PTPRN2: variants seen among roughly 807,000 people sequenced by gnomAD.
PTPRN2 encodes the protein receptor-type tyrosine-protein phosphatase N2.
A neutral mutation model predicts 118.8 loss-of-function variants in PTPRN2; 74 were observed. The observed-to-expected ratio is 0.62, with a 90% CI of 0.52 to 0.76. PTPRN2 has a LOEUF of 0.76. PTPRN2 is among the 30% of genes least tolerant of loss of function. The pLI is 0.00. For missense variants in PTPRN2, 1,481 were observed against 1,394.4 expected (o/e 1.06, Z -0.99); for synonymous variants, 641 against 608.0 (o/e 1.05, Z -0.80).
chr7:157,788,097 T>C (rs747324895), intron 12 of PTPRN2, among the ~76,000 whole-genome samples: 14 of 152,180 alleles, frequency 9.2e-5, no homozygotes, highest in African/African-American at 1.2e-4. Context: ...GGGAAGAGGC[T>C]GGGCGCGGTG....
At chr7:157,734,840 G>A (rs1276950672) in intron 12 of PTPRN2, among the ~76,000 whole-genome samples, 1 of 152,230 alleles carries the variant, frequency 6.6e-6, no homozygotes. Context: ...GCCAGCCAGA[G>A]GCAAACCCAC....
At chr7:158,487,761 A>G (rs79207561) in intron 2 of PTPRN2, among the ~76,000 whole-genome samples, 29,103 of 152,102 alleles carry the variant, frequency 0.19, 3,281 homozygotes, top group East Asian at 0.41. Context: ...CTGAGCCAGC[A>G]CAGGAACCAC....
At chr7:158,220,847 GA>G (rs796302831) in intron 3 of PTPRN2, among the ~76,000 whole-genome samples, 84 of 73,692 alleles carry the variant, frequency 1.1e-3, no homozygotes, top group South Asian at 2.3e-3. Context: ...CACAGAATTA[GA>G]AAAAAAAAAG....
At chr7:158,206,491 CT>C (rs1173028433) in intron 3 of PTPRN2, among the ~76,000 whole-genome samples, 9 of 152,086 alleles carry the variant, frequency 5.9e-5, no homozygotes, top group African/African-American at 2.2e-4. Flanking sequence ...CAGGTCTGAT[CT>C]GGTACAGTCC....
At chr7:158,356,964 T>G (rs1432905379) in intron 2 of PTPRN2, among the ~76,000 whole-genome samples, 3 of 152,176 alleles carry the variant, frequency 2.0e-5, no homozygotes, top group Non-Finnish European at 4.4e-5. Flanking sequence ...TCAGGTGGGC[T>G]CTGTGCTGGC....
intron 11 of PTPRN2, among the ~76,000 whole-genome samples, chr7:158,072,608 A>C (rs1585347286): frequency 6.6e-6 from 1 of 151,860 alleles, no homozygotes; most frequent in Admixed American, 6.6e-5. Flanking sequence ...ACTTCACTGA[A>C]CCTCCCCTGC....
intron 12 of PTPRN2, among the ~76,000 whole-genome samples, chr7:157,741,397 C>G (rs1037471971): frequency 7.2e-5 from 11 of 152,302 alleles, no homozygotes; most frequent in African/African-American, 2.6e-4. Context: ...CCATGGGTGC[C>G]CGGCCTGCTC....
intron 1 of PTPRN2, among the ~76,000 whole-genome samples, chr7:158,528,602 C>T (rs1377023517): frequency 5.3e-5 from 8 of 150,516 alleles, no homozygotes; most frequent in Non-Finnish European, 1.0e-4. Context: ...CTGGCTAACA[C>T]GGTGAAACCC....
At chr7:158,364,875 C>A (rs372458987) in intron 2 of PTPRN2, among the ~76,000 whole-genome samples, 1 of 152,286 alleles carries the variant, frequency 6.6e-6, no homozygotes, top group African/African-American at 2.4e-5. Context: ...AAAGAAATAA[C>A]GGAACGGCAT....
intron 11 of PTPRN2, among the ~76,000 whole-genome samples, chr7:158,079,667 C>T (rs1219194471): frequency 6.6e-6 from 1 of 152,202 alleles, no homozygotes; most frequent in Non-Finnish European, 1.5e-5. Flanking sequence ...CGGATTTGGT[C>T]TTAAATATCT....
At chr7:158,085,573 A>G (rs1346702479) in intron 10 of PTPRN2, among the ~76,000 whole-genome samples, 1 of 108,336 alleles carries the variant, frequency 9.2e-6, no homozygotes, top group East Asian at 2.9e-4. Context: ...GCCCATCCAC[A>G]CCCTCGACGC....
intron 12 of PTPRN2, among the ~76,000 whole-genome samples, chr7:157,884,798 A>T (rs1796360434): frequency 1.3e-5 from 2 of 152,178 alleles, no homozygotes; most frequent in Non-Finnish European, 2.9e-5. Context: ...ACCTCCCACC[A>T]GTTCCCTCTC....
chr7:158,553,096 C>T (rs1184333804), intron 1 of PTPRN2, among the ~76,000 whole-genome samples: 1 of 152,106 alleles, frequency 6.6e-6, no homozygotes. Context: ...CGTACACACA[C>T]ATGCTTGGGA....
chr7:158,441,972 C>T (rs62649339), intron 2 of PTPRN2, among the ~76,000 whole-genome samples: 1,005 of 78,068 alleles, frequency 0.013, 5 homozygotes, highest in African/African-American at 0.018. Flanking sequence ...ATGGTCATGG[C>T]AGTGGTGGTG....
chr7:157,910,738 G>A (rs1012638443), intron 11 of PTPRN2, among the ~76,000 whole-genome samples: 15 of 152,328 alleles, frequency 9.8e-5, no homozygotes, highest in Middle Eastern at 3.4e-3. Flanking sequence ...GCGCGCGTGC[G>A]CCCCTGCGAT....
chr7:158,042,252 A>C (rs1207709322), intron 11 of PTPRN2, among the ~76,000 whole-genome samples: 1 of 152,206 alleles, frequency 6.6e-6, no homozygotes, highest in Non-Finnish European at 1.5e-5. Flanking sequence ...AGGGGAGTGA[A>C]ACGCAGAGAC....
intron 3 of PTPRN2, among the ~76,000 whole-genome samples, chr7:158,312,401 C>T (rs1586210505): frequency 2.4e-5 from 3 of 127,314 alleles, no homozygotes; most frequent in East Asian, 2.3e-4. Context: ...CATGCACTCA[C>T]ATGCTCACAT....
In PTPRN2 at chr7:157,596,691, C is replaced by T. The variant is rs1470185523; in HGVS notation, c.2419-1376G>A. On this transcript the variant is annotated intron_variant, in intron 16 of 22. Coordinates refer to ENST00000389418, the MANE Select transcript of PTPRN2 (RefSeq NM_002847.5). The surrounding 1 kb of genome is among the most constrained non-coding windows in gnomAD (Gnocchi z 4.2). ...ACCTCCCAGAAGCATCTGCAGAGACCGACCCCCGGAGAGCCGGATGCTGCG... is the reference window on the plus strand; with the variant it reads ...ACCTCCCAGAAGCATCTGCAGAGACTGACCCCCGGAGAGCCGGATGCTGCG... Among the ~76,000 whole-genome samples the T allele has an allele frequency of 1.3e-5, 2 of 152,104 alleles. No individual in the cohort carries two copies. Among genetic ancestry groups the T allele is most frequent in the African/African-American group, 4.8e-5 (2 of 41,408 alleles).
chr7:158,116,917 A>C (rs1375514775), intron 9 of PTPRN2, among the ~76,000 whole-genome samples: 1 of 152,194 alleles, frequency 6.6e-6, no homozygotes, highest in Non-Finnish European at 1.5e-5. Context: ...GCCTACAAAA[A>C]ATTTAAAAGA....
Sources: allele counts gnomAD v4.1 joint callset (sites outside exome capture counted in the v4.1 genomes callset), GRCh38; gene constraint gnomAD v4.1.1; non-coding constraint Gnocchi (gnomAD v3.1); transcripts MANE v1.5; gene names NCBI Gene and HGNC (gene_info 2026-07-23, HGNC 2026-07-21).